The following UBAP1 variants were observed in gnomAD, a reference collection of about 807,000 sequenced individuals.
UBAP1 encodes the protein ubiquitin-associated protein 1.
A neutral mutation model predicts 39.0 loss-of-function variants in UBAP1; 5 were observed. The observed-to-expected ratio is 0.13, with a 90% confidence interval of 0.07 to 0.27. The LOEUF (loss-of-function observed/expected upper bound fraction) is 0.27. Ranked by LOEUF, UBAP1 falls within the 10% of genes least tolerant of loss-of-function variation. The pLI, the probability that UBAP1 is intolerant of heterozygous loss-of-function variation, is 1.00. For synonymous variants in UBAP1, 211 were observed against 225.1 expected, an observed-to-expected ratio of 0.94 and a Z score of 0.56; for missense variants, 490 against 608.1, an observed-to-expected ratio of 0.81 and a Z score of 2.04.
chr9:34,227,480 G>A (rs758402135), intron 2 of UBAP1, among the ~76,000 whole-genome samples: 3 of 152,122 alleles, frequency 2.0e-5, no homozygotes, highest in Non-Finnish European at 4.4e-5. Flanking sequence ...TTATGCATTT[G>A]CTATCCTCTA....
chr9:34,242,127 C>T lies in UBAP1; in HGVS notation c.1083+19C>T, dbSNP rs751734579. The T allele has an allele frequency of 1.9e-6, 3 of 1,551,046 alleles. No individual in the cohort carries two copies. The highest frequency in any genetic ancestry group is 4.5e-5 in the East Asian group (2 of 44,036). On this transcript the variant is annotated intron_variant, in intron 4 of 6. Transcript: ENST00000297661. ...TCCCACGGTAAGTCTTTTAAATCCC[C>T]CGCCGACTCCCATATTTTCCTGATG...
chr9:34,192,835 T>C (rs1830807711), intron 1 of UBAP1, among the ~76,000 whole-genome samples: 1 of 152,198 alleles, frequency 6.6e-6, no homozygotes, highest in Non-Finnish European at 1.5e-5. Flanking sequence ...TTTAGAATTA[T>C]AGGACTTTAA....
chr9:34,182,232 T>A (rs1830084147), intron 1 of UBAP1, among the ~76,000 whole-genome samples: 1 of 149,928 alleles, frequency 6.7e-6, no homozygotes. Context: ...TTGCCCAGGC[T>A]GGAGTGCTGT....
At chr9:34,249,733 T>C in intron 4 of UBAP1, 46 bp from the exon 5 acceptor site, 9 of 1,591,680 alleles carry the variant, frequency 5.7e-6, no homozygotes, top group Non-Finnish European at 7.7e-6. Context: ...GTGACTTCTT[T>C]GGGGGCCCAG....
intron 1 of UBAP1, among the ~76,000 whole-genome samples, chr9:34,183,076 C>T (rs1191245346): frequency 6.6e-6 from 1 of 151,970 alleles, no homozygotes; most frequent in African/African-American, 2.4e-5. Flanking sequence ...CTGTGCCTGG[C>T]CTCTGTTCTT....
At position 34,236,421 on chromosome 9, in the gene UBAP1, G is replaced by A. The variant is rs192213922; in HGVS notation, c.159+2081G>A. Among the ~76,000 whole-genome samples, 18 of 152,170 alleles carry A rather than the reference G, an allele frequency of 1.2e-4. No individual in the cohort carries two copies. The East Asian group carries it at 3.3e-3, about 28-fold the overall frequency. ...TCACCTAACATGCATTTTTTAGAGC[G>A]TATCCTTGTCATTATGACTGTATTA... On this transcript the variant is annotated intron_variant, in intron 3 of 6. Coordinates refer to ENST00000297661, the MANE Select transcript of UBAP1 (RefSeq NM_016525.5).
rs771300636 is a variant in UBAP1, at chr9:34,242,080, AATC to A, written c.1060_1062del (p.Ser354del). The A allele has an allele frequency of 8.1e-6, 13 of 1,606,250 alleles. No individual in the cohort carries two copies. Among genetic ancestry groups the A allele is most frequent in the African/African-American group, 1.3e-5 (1 of 74,778 alleles). On this transcript the variant is annotated inframe_deletion, in exon 4 of 7. Coordinates refer to ENST00000297661, the MANE Select transcript of UBAP1 (RefSeq NM_016525.5). ...TCTGTTTTGTCTGTGTGCACAGAGGAATCATCACCTCCAAATACTGGTCCCACG... is the reference window on the plus strand; with the variant it reads ...TCTGTTTTGTCTGTGTGCACAGAGGAATCACCTCCAAATACTGGTCCCACG...
At chr9:34,184,610 AAT>A (rs1406266449) in intron 1 of UBAP1, among the ~76,000 whole-genome samples, 2 of 139,898 alleles carry the variant, frequency 1.4e-5, no homozygotes, top group African/African-American at 5.2e-5. Flanking sequence ...CAGCCTGGGC[AAT>A]AGAGCGAGAC....
chr9:34,247,423 CTTATTTAT>C (rs569901311), intron 4 of UBAP1, among the ~76,000 whole-genome samples: 2 of 151,528 alleles, frequency 1.3e-5, no homozygotes, highest in African/African-American at 4.8e-5. Context: ...ATCTTTTTTT[CTTATTTAT>C]TTATTTATTT....
intron 3 of UBAP1, among the ~76,000 whole-genome samples, chr9:34,234,550 G>A (rs1321555635): frequency 1.3e-5 from 2 of 152,128 alleles, no homozygotes; most frequent in Admixed American, 6.6e-5. Flanking sequence ...GGTGGCCAAG[G>A]TGGGAGGATC....
chr9:34,219,457 T>C (rs1832535927), intron 1 of UBAP1, among the ~76,000 whole-genome samples: 1 of 152,134 alleles, frequency 6.6e-6, no homozygotes, highest in South Asian at 2.1e-4. Flanking sequence ...CATATAACGT[T>C]CAGAAATACA....
intron 3 of UBAP1, among the ~76,000 whole-genome samples, chr9:34,239,478 G>T (rs1224567757): frequency 1.3e-5 from 2 of 152,208 alleles, no homozygotes; most frequent in Non-Finnish European, 2.9e-5. Context: ...GCCTTTGCAT[G>T]ACAATACAAA....
chr9:34,232,377 T>C (rs1315707997), intron 2 of UBAP1, among the ~76,000 whole-genome samples: 1 of 152,212 alleles, frequency 6.6e-6, no homozygotes, highest in Admixed American at 6.5e-5. Context: ...GCCATGAAAT[T>C]AGCACATCTA....
chr9:34,195,805 C>T (rs1831002699), intron 1 of UBAP1, among the ~76,000 whole-genome samples: 1 of 151,726 alleles, frequency 6.6e-6, no homozygotes, highest in South Asian at 2.1e-4. Context: ...CCATGTTGGT[C>T]AGGCTGGTCT....
chr9:34,202,676 T>TGTGTGTGTGTGTGTGTGTCCCC (rs1554647595), intron 1 of UBAP1, among the ~76,000 whole-genome samples: 7 of 143,132 alleles, frequency 4.9e-5, no homozygotes, highest in African/African-American at 1.8e-4. Context: ...TGTGTGTGTG[T>TGTGTGTGTGTGTGTGTGTCCCC]GTCCCCGTCC....
rs778485699 is a variant in UBAP1 at position 34,241,916 on chromosome 9, G to C, written c.891G>C (p.Thr297=). The C allele has an allele frequency of 1.9e-6, 3 of 1,614,154 alleles. No homozygotes were observed. The highest frequency in any genetic ancestry group is 1.6e-4 in the Middle Eastern group (1 of 6,062). The change falls in exon 4 of 7, where the codon ACG becomes ACC. Residue 297 remains threonine, a synonymous_variant. Coordinates refer to ENST00000297661, the MANE Select transcript of UBAP1 (RefSeq NM_016525.5). ...GCACATCCTGCCTCCGCAATGGCAC[G>C]TTCCAGAATTCCCTAAAGCCTTCCA... ...FHSTSCLRNG[T]FQNSLKPSTQ... is the part of the protein sequence containing the mutation.
chr9:34,251,334 C>G, intron 6 of UBAP1, 58 bp from the exon 7 acceptor site: 1 of 1,581,504 alleles, frequency 6.3e-7, no homozygotes. Context: ...CACTCCTTCA[C>G]TCAGCTGTGC....
At chr9:34,249,581 C>G (rs2131635442) in intron 4 of UBAP1, among the ~76,000 whole-genome samples, 198 bp from the exon 5 acceptor site, 1 of 152,248 alleles carries the variant, frequency 6.6e-6, no homozygotes. Flanking sequence ...CACCTTTTTC[C>G]CTCTCAGCTG....
intron 2 of UBAP1, among the ~76,000 whole-genome samples, chr9:34,232,328 C>G (rs1445039865): frequency 1.3e-5 from 2 of 152,160 alleles, no homozygotes; most frequent in Non-Finnish European, 2.9e-5. Context: ...ATAATAATTA[C>G]TCAAGTAAAT....
Sources: allele counts gnomAD v4.1 joint callset (sites outside exome capture counted in the v4.1 genomes callset), GRCh38; gene constraint gnomAD v4.1.1; transcripts MANE v1.5; gene names NCBI Gene and HGNC (gene_info 2026-07-23, HGNC 2026-07-21).